PSD3: variants seen among roughly 807,000 people sequenced by gnomAD.
PSD3 encodes PH and SEC7 domain-containing protein 3.
PSD3 carries 49 observed loss-of-function variants against 105.5 expected under a neutral mutation model. The ratio of observed to expected loss-of-function variants is 0.46; its 90% CI spans 0.37 to 0.59. The LOEUF (loss-of-function observed/expected upper bound fraction) is 0.59, where lower values mean the gene tolerates loss of function less well. PSD3 is among the 20% of genes least tolerant of loss of function. PSD3 has a pLI of 0.00. For missense variants in PSD3, 1,561 were observed against 1,263.8 expected (o/e 1.24, Z -3.57); for synonymous variants, 557 against 457.8 (o/e 1.22, Z -2.77).
chr8:18,978,517 C>T (rs964361263), intron 1 of PSD3, among the ~76,000 whole-genome samples: 2 of 152,194 alleles, frequency 1.3e-5, no homozygotes, highest in Non-Finnish European at 2.9e-5. Flanking sequence ...CAATTTGCCC[C>T]TCCTCTCCTT....
chr8:18,768,865 C>CT (rs1438907949), intron 8 of PSD3, among the ~76,000 whole-genome samples: 1 of 152,024 alleles, frequency 6.6e-6, no homozygotes, highest in East Asian at 1.9e-4. Flanking sequence ...GTATGAAACA[C>CT]TGAAAAAAAT....
chr8:18,886,739 G>C (rs931574616), intron 2 of PSD3, among the ~76,000 whole-genome samples: 3 of 152,172 alleles, frequency 2.0e-5, no homozygotes, highest in Non-Finnish European at 4.4e-5. Flanking sequence ...TCAACTGGAA[G>C]CAAATTAGTT....
At chr8:18,813,503 G>A (rs1429479702) in intron 4 of PSD3, among the ~76,000 whole-genome samples, 2 of 152,146 alleles carry the variant, frequency 1.3e-5, no homozygotes, top group African/African-American at 4.8e-5. Context: ...ACCAAAGTGC[G>A]CCAAAGAAAT....
At chr8:18,922,656 C>G (rs1199811749) in intron 2 of PSD3, among the ~76,000 whole-genome samples, 24 of 152,280 alleles carry the variant, frequency 1.6e-4, no homozygotes, top group African/African-American at 5.3e-4. Flanking sequence ...CAAGACTGCC[C>G]CTTCCCTTCA....
intron 14 of PSD3, among the ~76,000 whole-genome samples, chr8:18,559,563 T>G (rs1436762924): frequency 6.6e-6 from 1 of 152,188 alleles, no homozygotes; most frequent in Non-Finnish European, 1.5e-5. Flanking sequence ...TAGAATCCAA[T>G]GATAGAATCC....
chr8:18,808,829 G>A, intron 4 of PSD3: 1 of 1,612,332 alleles, frequency 6.2e-7, no homozygotes, highest in Non-Finnish European at 8.5e-7. Context: ...CCTCTCCGAA[G>A]CCCCGTCCAG....
At chr8:19,010,468 T>C (rs563341290) in intron 1 of PSD3, among the ~76,000 whole-genome samples, 1 of 152,364 alleles carries the variant, frequency 6.6e-6, no homozygotes, top group African/African-American at 2.4e-5. Flanking sequence ...TTATGCCTTA[T>C]TTTCAAATGA....
At chr8:18,869,787 C>T (rs776983040) in intron 3 of PSD3, among the ~76,000 whole-genome samples, 77 of 152,212 alleles carry the variant, frequency 5.1e-4, no homozygotes, top group Non-Finnish European at 9.4e-4. Context: ...CTTTCCTTCA[C>T]AGAACCTAGC....
intron 9 of PSD3, among the ~76,000 whole-genome samples, chr8:18,679,841 T>C (rs1800282407): frequency 6.6e-6 from 1 of 152,214 alleles, no homozygotes; most frequent in Non-Finnish European, 1.5e-5. Context: ...TTCTTTGCTA[T>C]ATCACTGAAT....
chr8:18,815,517 G>A (rs1045389320), intron 4 of PSD3, among the ~76,000 whole-genome samples: 1 of 152,042 alleles, frequency 6.6e-6, no homozygotes, highest in African/African-American at 2.4e-5. Flanking sequence ...CACCATGTTG[G>A]CCAGGCTGGT....
intron 14 of PSD3, among the ~76,000 whole-genome samples, chr8:18,567,480 C>G (rs538463936): frequency 6.6e-6 from 1 of 152,142 alleles, no homozygotes; most frequent in African/African-American, 2.4e-5. Flanking sequence ...TCAGTAAGAG[C>G]ATTCCTTTTC....
chr8:18,621,705 A>G (rs1037771340), intron 11 of PSD3, among the ~76,000 whole-genome samples: 2 of 152,256 alleles, frequency 1.3e-5, no homozygotes, highest in African/African-American at 2.4e-5. Flanking sequence ...TCCGTTACAC[A>G]CCCTGCTGCC....
chr8:18,677,654 T>C (rs537477692), intron 9 of PSD3, among the ~76,000 whole-genome samples: 2 of 152,324 alleles, frequency 1.3e-5, no homozygotes, highest in South Asian at 4.1e-4. Context: ...TCTGTAGAAC[T>C]ACGTCCCTGA....
At chr8:18,752,605 T>C (rs1805672546) in intron 9 of PSD3, among the ~76,000 whole-genome samples, 1 of 84,294 alleles carries the variant, frequency 1.2e-5, no homozygotes, top group South Asian at 2.9e-4. Flanking sequence ...ATATATTATA[T>C]ATAATACATA....
intron 10 of PSD3, among the ~76,000 whole-genome samples, chr8:18,635,377 G>C (rs1415334118): frequency 2.0e-5 from 3 of 152,046 alleles, no homozygotes; most frequent in Middle Eastern, 3.2e-3. Context: ...GGGAGATACA[G>C]TTATGTATCA....
chr8:18,650,101 C>T (rs13281588), intron 10 of PSD3, among the ~76,000 whole-genome samples: 37,672 of 152,090 alleles, frequency 0.25, 4,931 homozygotes, highest in South Asian at 0.44. Context: ...CAGCAATAAA[C>T]ATGAAAGTCA....
chr8:18,707,090 A>G (rs1801947174), intron 9 of PSD3, among the ~76,000 whole-genome samples: 1 of 152,132 alleles, frequency 6.6e-6, no homozygotes, highest in African/African-American at 2.4e-5. Context: ...ATTCCCATTC[A>G]GCTGCCACTC....
chr8:19,031,934 T>A (rs1827786197), intron 1 of PSD3, among the ~76,000 whole-genome samples: 4 of 152,198 alleles, frequency 2.6e-5, no homozygotes, highest in Admixed American at 2.6e-4. Flanking sequence ...ATCATAATAT[T>A]TTACTTTGAA....
At chr8:18,820,792 C>A (rs12544633) in intron 4 of PSD3, among the ~76,000 whole-genome samples, 1 of 152,004 alleles carries the variant, frequency 6.6e-6, no homozygotes, top group African/African-American at 2.4e-5. Context: ...GAGACAGCAT[C>A]CTGCTCTATC....
Sources: allele counts gnomAD v4.1 joint callset (sites outside exome capture counted in the v4.1 genomes callset), GRCh38; gene constraint gnomAD v4.1.1; transcripts MANE v1.5; gene names NCBI Gene and HGNC (gene_info 2026-07-23, HGNC 2026-07-21).